GRIK3: variants seen among roughly 807,000 people sequenced by gnomAD.
GRIK3 encodes the protein glutamate ionotropic receptor kainate type subunit 3, also known as glutamate receptor ionotropic, kainate 3.
Under a neutral mutation model 102.5 loss-of-function variants are expected in GRIK3, and 29 were observed. The ratio of observed to expected loss-of-function variants is 0.28; its 90% CI spans 0.21 to 0.39. GRIK3 has a LOEUF of 0.39. Among genes scored for constraint, GRIK3 ranks in the 10% least tolerant of loss-of-function variants. GRIK3 has a pLI of 1.00. For missense variants in GRIK3, 908 were observed against 1,252.4 expected, an observed-to-expected ratio of 0.73 and a Z score of 4.15; for synonymous variants, 511 against 504.9, an observed-to-expected ratio of 1.01 and a Z score of -0.16.
At chr1:36,823,225 G>A (rs1044350893) in intron 11 of GRIK3, among the ~76,000 whole-genome samples, 7 of 152,090 alleles carry the variant, frequency 4.6e-5, no homozygotes, top group Admixed American at 3.9e-4. Context: ...TGTAATCCCA[G>A]CACTTTGGGA....
At chr1:36,992,755 G>A (rs148056465) in intron 1 of GRIK3, among the ~76,000 whole-genome samples, 35 of 152,270 alleles carry the variant, frequency 2.3e-4, no homozygotes, top group African/African-American at 7.2e-4. Context: ...CATCCTAAGC[G>A]GCTTCCATGC....
intron 13 of GRIK3, among the ~76,000 whole-genome samples, chr1:36,813,830 C>T (rs897747950): frequency 2.3e-4 from 35 of 152,120 alleles, no homozygotes; most frequent in African/African-American, 6.5e-4. Flanking sequence ...GGCTCTTCTC[C>T]AATATGTAAC....
At chr1:36,921,625 T>C (rs1226033675) in intron 1 of GRIK3, among the ~76,000 whole-genome samples, 1 of 152,190 alleles carries the variant, frequency 6.6e-6, no homozygotes, top group Admixed American at 6.5e-5. Flanking sequence ...ACTTTTTTTT[T>C]TCACATTTTA....
At chr1:36,859,278 G>C (rs777116872) in intron 6 of GRIK3, 27 bp from the exon 7 acceptor site, 1 of 1,583,354 alleles carries the variant, frequency 6.3e-7, no homozygotes, top group Non-Finnish European at 8.6e-7. Flanking sequence ...GCCTGAGAGC[G>C]GCTCCCAAGG....
At chr1:36,824,778 C>T (rs904343855) in intron 11 of GRIK3, among the ~76,000 whole-genome samples, 8 of 151,834 alleles carry the variant, frequency 5.3e-5, no homozygotes, top group South Asian at 2.1e-4. Flanking sequence ...GGGGCAGGGG[C>T]GGACCACCGG....
At chr1:36,867,206 T>C (rs1640794787) in intron 5 of GRIK3, among the ~76,000 whole-genome samples, 1 of 152,220 alleles carries the variant, frequency 6.6e-6, no homozygotes, top group Non-Finnish European at 1.5e-5. Context: ...GGGTACATCA[T>C]ATCCCAGTTG....
In GRIK3 at chr1:37,034,162, C is replaced by G. The variant is rs1642861805; in HGVS notation, c.-54G>C. On this transcript the variant is annotated 5_prime_UTR_variant, in exon 1 of 16. Transcript: ENST00000373091. The stretch of plus-strand genomic sequence containing the variant: ...CGCGGCCGTGGCGGGCTCCCTGGGG[C>G]GGCAGCTCTAGGCGCGGGCGCGCAG... The G allele has an allele frequency of 1.1e-6, 1 of 889,994 alleles. No homozygotes were observed. The highest frequency in any genetic ancestry group is 1.8e-5 in the African/African-American group (1 of 55,242). 55.1% of individuals were successfully genotyped at this position (889,994 alleles called of 1,614,324 possible).
intron 1 of GRIK3, among the ~76,000 whole-genome samples, chr1:37,020,569 T>G (rs571328168): frequency 6.6e-6 from 1 of 152,300 alleles, no homozygotes; most frequent in East Asian, 1.9e-4. Flanking sequence ...TTTTGTCATC[T>G]GCTGCTGCTC....
Position 36,859,961 on chromosome 1 carries a change from T to C in GRIK3, c.843A>G (p.Gly281=), listed in dbSNP as rs1640701663. The stretch of plus-strand genomic sequence containing the variant: ...GGTTGTCCACATTGAGAATCCGGAA[T>C]CCTGTCAGGTTCACGCCTGAGTAGC... The part of the protein sequence containing the change: ...PYRYSGVNLT[G]FRILNVDNPH... The change falls in exon 6 of 16, where the codon GGA becomes GGG. Residue 281 remains glycine (G), a synonymous_variant. Transcript: ENST00000373091. 2 of 1,613,242 alleles carry C rather than the reference T, an allele frequency of 1.2e-6. No individual in the cohort carries two copies. Among genetic ancestry groups the C allele is most frequent in the African/African-American group, 2.7e-5 (2 of 74,860 alleles).
chr1:37,000,356 G>A (rs772275998), intron 1 of GRIK3, among the ~76,000 whole-genome samples: 2 of 152,186 alleles, frequency 1.3e-5, no homozygotes, highest in Non-Finnish European at 2.9e-5. Flanking sequence ...TGTGAAAAAT[G>A]TTTCATGTAT....
chr1:36,907,064 A>C (rs1474314649), intron 1 of GRIK3, among the ~76,000 whole-genome samples: 1 of 152,182 alleles, frequency 6.6e-6, no homozygotes, highest in African/African-American at 2.4e-5. Context: ...ACATAAAATT[A>C]ATTCAAAAAA....
chr1:36,867,196 G>C (rs1640794632), intron 5 of GRIK3, among the ~76,000 whole-genome samples: 1 of 152,154 alleles, frequency 6.6e-6, no homozygotes, highest in Non-Finnish European at 1.5e-5. Context: ...CAGCTACCCT[G>C]GGTACATCAT....
intron 1 of GRIK3, among the ~76,000 whole-genome samples, chr1:36,913,210 G>C (rs964164040): frequency 6.6e-6 from 1 of 152,126 alleles, no homozygotes; most frequent in Non-Finnish European, 1.5e-5. Context: ...CTCCAAACCC[G>C]GGCACCTGCT....
At chr1:36,813,425 C>T (rs1037907777) in intron 13 of GRIK3, among the ~76,000 whole-genome samples, 3 of 152,206 alleles carry the variant, frequency 2.0e-5, no homozygotes, top group East Asian at 1.9e-4. Context: ...AACAGTAGTG[C>T]AGCCTTGCCA....
chr1:36,869,390 G>A (rs966822415), intron 5 of GRIK3, among the ~76,000 whole-genome samples: 17 of 152,186 alleles, frequency 1.1e-4, no homozygotes, highest in African/African-American at 3.9e-4. Context: ...CAGGCACTGC[G>A]TGTTACCTTA....
chr1:36,996,022 G>C (rs1315099557), intron 1 of GRIK3, among the ~76,000 whole-genome samples: 1 of 151,702 alleles, frequency 6.6e-6, no homozygotes, highest in Non-Finnish European at 1.5e-5. Context: ...TATACTCGTA[G>C]CTGATGTCTG....
intron 8 of GRIK3, among the ~76,000 whole-genome samples, chr1:36,852,827 T>G (rs1640600688): frequency 6.6e-6 from 1 of 151,734 alleles, no homozygotes; most frequent in Non-Finnish European, 1.5e-5. Context: ...GGGGACAGAG[T>G]GTGGCTGAGC....
chr1:36,912,676 T>C lies in GRIK3; in HGVS notation c.116-21580A>G, dbSNP rs112479965. 5.3e-3 allele frequency among the ~76,000 whole-genome samples: 803 copies of C among 152,228 alleles called. 6 individuals carry two copies. The highest frequency in any genetic ancestry group is 0.018 in the African/African-American group (768 of 41,532). On this transcript the variant is annotated intron_variant, in intron 1 of 15. Transcript: ENST00000373091. ...CACATGGTGGGGGGCTGCGTTGTGC[T>C]GTGCTGAGTCCTGGGCCCCACTCTC...
intron 5 of GRIK3, among the ~76,000 whole-genome samples, chr1:36,869,370 C>T (rs1640819201): frequency 6.6e-6 from 1 of 152,182 alleles, no homozygotes; most frequent in Non-Finnish European, 1.5e-5. Flanking sequence ...TTCCAGAGCT[C>T]CTCATGTACC....
Sources: allele counts gnomAD v4.1 joint callset (sites outside exome capture counted in the v4.1 genomes callset), GRCh38; gene constraint gnomAD v4.1.1; transcripts MANE v1.5; gene names NCBI Gene and HGNC (gene_info 2026-07-23, HGNC 2026-07-21).